The following LHPP variants were observed in gnomAD, a reference collection of about 807,000 sequenced individuals.
The protein encoded by LHPP is hLHPP.
LHPP carries 24 observed loss-of-function variants against 30.3 expected under a neutral mutation model. The ratio of observed to expected loss-of-function variants is 0.79; its 90% CI spans 0.57 to 1.11. The LOEUF is 1.11. Among genes scored for constraint, LHPP ranks in the 50% most tolerant of loss-of-function variants. The probability of loss-of-function intolerance (pLI) is 0.00; values close to 1 mark genes in which losing one functional copy is unlikely to be tolerated. For synonymous variants in LHPP, 150 were observed against 157.1 expected (o/e 0.95, Z 0.34); for missense variants, 356 against 367.2 (o/e 0.97, Z 0.25).
intron 6 of LHPP, among the ~76,000 whole-genome samples, chr10:124,519,693 G>A (rs531678337): frequency 6.6e-6 from 1 of 152,098 alleles, no homozygotes; most frequent in Non-Finnish European, 1.5e-5. Flanking sequence ...TACAGTGTTT[G>A]GTTTTCCAGT....
intron 6 of LHPP, among the ~76,000 whole-genome samples, chr10:124,540,784 C>G (rs1589844999): frequency 6.6e-6 from 1 of 151,968 alleles, no homozygotes; most frequent in East Asian, 1.9e-4. Flanking sequence ...AGGTGGCCAC[C>G]AAAACCAGGG....
At chr10:124,489,489 C>T (rs141889592) in intron 3 of LHPP, among the ~76,000 whole-genome samples, 1 of 152,206 alleles carries the variant, frequency 6.6e-6, no homozygotes, top group Non-Finnish European at 1.5e-5. Flanking sequence ...GAGTCTCGCT[C>T]TGTCACCCAG....
At chr10:124,497,085 G>A (rs1953738033) in intron 4 of LHPP, 61 bp downstream of exon 4, 11 of 1,358,626 alleles carry the variant, frequency 8.1e-6, no homozygotes, top group African/African-American at 1.5e-5. Flanking sequence ...GGACTTTTTG[G>A]GTCTTTGTTG....
At chr10:124,470,863 A>G (rs1952711337) in intron 1 of LHPP, among the ~76,000 whole-genome samples, 2 of 152,078 alleles carry the variant, frequency 1.3e-5, no homozygotes, top group Admixed American at 1.3e-4. Flanking sequence ...ACCTTGGACA[A>G]GGGGTGTTTG....
At chr10:124,574,847 A>G (rs1422239466) in intron 6 of LHPP, among the ~76,000 whole-genome samples, 1 of 152,072 alleles carries the variant, frequency 6.6e-6, no homozygotes, top group East Asian at 1.9e-4. Flanking sequence ...CTTCCAGGTC[A>G]TGGGCTCCAG....
At chr10:124,545,435 C>T (rs562211692) in intron 6 of LHPP, among the ~76,000 whole-genome samples, 5 of 152,340 alleles carry the variant, frequency 3.3e-5, no homozygotes, top group African/African-American at 7.2e-5. Flanking sequence ...GCCCCTGCAG[C>T]GGTGCCCACG....
chr10:124,570,678 A>T (rs1027186040), intron 6 of LHPP, among the ~76,000 whole-genome samples: 1 of 152,254 alleles, frequency 6.6e-6, no homozygotes, highest in African/African-American at 2.4e-5. Flanking sequence ...ATCTCTGTGG[A>T]TTCGCCCGCT....
At chr10:124,511,261 A>G (rs978714424) in intron 5 of LHPP, among the ~76,000 whole-genome samples, 1 of 152,230 alleles carries the variant, frequency 6.6e-6, no homozygotes, top group African/African-American at 2.4e-5. Flanking sequence ...ATAAATGGAA[A>G]ACCAGAATCT....
intron 1 of LHPP, among the ~76,000 whole-genome samples, chr10:124,466,223 A>G (rs1052619607): frequency 5.9e-5 from 9 of 152,154 alleles, no homozygotes; most frequent in African/African-American, 1.9e-4. Context: ...CTATAGACAT[A>G]TTACTAGTGG....
At chr10:124,522,453 C>T (rs1028432548) in intron 6 of LHPP, among the ~76,000 whole-genome samples, 4 of 152,220 alleles carry the variant, frequency 2.6e-5, no homozygotes, top group Admixed American at 2.6e-4. Flanking sequence ...ATGAGTCCTG[C>T]AGCCCCAGAG....
intron 1 of LHPP, among the ~76,000 whole-genome samples, chr10:124,470,400 G>A (rs903947594): frequency 4.6e-5 from 7 of 152,096 alleles, no homozygotes; most frequent in African/African-American, 1.7e-4. Flanking sequence ...CGATCGGCCT[G>A]GTGCTGTGGA....
intron 1 of LHPP, among the ~76,000 whole-genome samples, chr10:124,481,574 T>G (rs894169855): frequency 3.8e-4 from 58 of 151,840 alleles, no homozygotes; most frequent in African/African-American, 1.4e-3. Flanking sequence ...ACAGACAGGA[T>G]TTCTCCATGT....
At chr10:124,479,863 G>A (rs1953073087) in intron 1 of LHPP, among the ~76,000 whole-genome samples, 13 of 152,184 alleles carry the variant, frequency 8.5e-5, no homozygotes, top group Admixed American at 7.9e-4. Flanking sequence ...GTCTCCTGGG[G>A]CCTCCATCTT....
chr10:124,560,739 C>T (rs1048255730), intron 6 of LHPP, among the ~76,000 whole-genome samples: 19 of 152,140 alleles, frequency 1.2e-4, no homozygotes, highest in East Asian at 5.8e-4. Context: ...TGGCTCCTGC[C>T]GGAGGAGCCC....
chr10:124,518,859 A>G (rs935202342), intron 6 of LHPP, among the ~76,000 whole-genome samples: 1 of 152,210 alleles, frequency 6.6e-6, no homozygotes, highest in African/African-American at 2.4e-5. Flanking sequence ...GATTCCGGTT[A>G]CCTGCATGCT....
intron 6 of LHPP, among the ~76,000 whole-genome samples, chr10:124,604,144 A>T (rs1949063578): frequency 6.6e-6 from 1 of 152,210 alleles, no homozygotes; most frequent in Non-Finnish European, 1.5e-5. Flanking sequence ...ACCTTCCCAG[A>T]GGTACATGGG....
intron 1 of LHPP, among the ~76,000 whole-genome samples, chr10:124,481,501 C>G (rs543247381): frequency 6.6e-6 from 1 of 151,442 alleles, no homozygotes; most frequent in African/African-American, 2.4e-5. Context: ...CTCAGCCTCC[C>G]GAGTAGCTAG....
In LHPP at chr10:124,495,216, A is replaced by G. The variant is rs545780788; in HGVS notation, c.468-1745A>G. ...TCCCCCCTCTGTGAGCATTCACAGC[A>G]TCCCAGCCAGCCTGTATCCCTGTGC... On this transcript the variant is annotated intron_variant, in intron 3 of 6. Transcript: ENST00000368842. Among the ~76,000 whole-genome samples, 18 of 152,200 alleles carry G rather than the reference A, an allele frequency of 1.2e-4. No homozygotes were observed. In the East Asian group the frequency reaches 3.5e-3, roughly 29 times the overall value.
intron 6 of LHPP, among the ~76,000 whole-genome samples, chr10:124,606,771 G>A (rs925129319): frequency 3.9e-5 from 6 of 152,156 alleles, no homozygotes; most frequent in African/African-American, 9.7e-5. Context: ...ACGGGGAGCC[G>A]TCAGCCAGGC....
Sources: allele counts gnomAD v4.1 joint callset (sites outside exome capture counted in the v4.1 genomes callset), GRCh38; gene constraint gnomAD v4.1.1; transcripts MANE v1.5; gene names NCBI Gene and HGNC (gene_info 2026-07-23, HGNC 2026-07-21).